Variants in GPR21 observed in about 807,000 individuals in gnomAD.
GPR21 encodes G protein-coupled receptor 21.
A neutral mutation model predicts 21.5 loss-of-function variants in GPR21; 9 were observed. That is an observed-to-expected ratio of 0.42 (90% confidence interval 0.25 to 0.73). The LOEUF is 0.73. GPR21 is among the 30% of genes least tolerant of loss of function. GPR21 has a pLI of 0.27. For synonymous variants in GPR21, 169 were observed against 159.3 expected (o/e 1.06, Z -0.46); for missense variants, 416 against 428.9 (o/e 0.97, Z 0.27).
At chr9:123,045,913 G>T in the GPR21 span, among the ~76,000 whole-genome samples, 1 of 152,152 alleles carries the variant, frequency 6.6e-6, no homozygotes, top group African/African-American at 2.4e-5. Flanking sequence ...TAGGAACTCA[G>T]TAAAAGATTT....
chr9:123,043,647 A>C, the GPR21 span, among the ~76,000 whole-genome samples: 3 of 145,472 alleles, frequency 2.1e-5, no homozygotes, highest in African/African-American at 7.8e-5. Flanking sequence ...GGTGAGGGGA[A>C]GGAGGGTGGG....
At position 123,035,398 on chromosome 9, in the gene GPR21, A is replaced by G. The variant is rs748588625; in HGVS notation, c.832A>G (p.Thr278Ala). The G allele has an allele frequency of 6.2e-7, 1 of 1,613,986 alleles. No individual in the cohort carries two copies. Among genetic ancestry groups the G allele is most frequent in the Non-Finnish European group, 8.5e-7 (1 of 1,180,008 alleles). Residue 278 changes from threonine to alanine, a missense_variant, in exon 2 of 2, where the codon ACT becomes GCT. Transcript: ENST00000616002. ...CATCTACTTCTTGTTGGAAAGCTCC[A>G]CTGGCCACAGCAACCGCTTCGCATC... is the stretch of plus-strand genomic sequence containing the variant. ...YIIYFLLESS[T>A]GHSNRFASFL...
At chr9:123,035,766 G>T (rs557261934), downstream of GPR21, 1 of 547,398 alleles carries the variant, frequency 1.8e-6, no homozygotes, top group Non-Finnish European at 3.1e-6. Context: ...CAAATTATTC[G>T]TATGGATACC....
chr9:123,041,462 A>G, the GPR21 span, among the ~76,000 whole-genome samples: 1 of 152,226 alleles, frequency 6.6e-6, no homozygotes, highest in Non-Finnish European at 1.5e-5. Context: ...TTATGATTCA[A>G]ATCCAATTCT....
At chr9:123,044,068 T>A in the GPR21 span, among the ~76,000 whole-genome samples, 1 of 150,466 alleles carries the variant, frequency 6.6e-6, no homozygotes, top group African/African-American at 2.4e-5. Context: ...GCATGGCTAG[T>A]TTTTTTTTGT....
the GPR21 span, among the ~76,000 whole-genome samples, chr9:123,045,904 A>G: frequency 6.6e-6 from 1 of 152,206 alleles, no homozygotes. Flanking sequence ...GGGGCATTGT[A>G]GGAACTCAGT....
chr9:123,041,204 C>T, the GPR21 span, among the ~76,000 whole-genome samples: 3 of 152,042 alleles, frequency 2.0e-5, no homozygotes, highest in African/African-American at 7.2e-5. Flanking sequence ...TGTTATTAAC[C>T]CCATTATACA....
chr9:123,045,889 A>G, the GPR21 span, among the ~76,000 whole-genome samples: 37,164 of 152,012 alleles, frequency 0.24, 6,513 homozygotes, highest in East Asian at 0.65. Flanking sequence ...GTAAAATTGT[A>G]CTTGGGGGCA....
At chr9:123,036,272 T>C (rs183409645), downstream of GPR21, among the ~76,000 whole-genome samples, 9 of 152,316 alleles carry the variant, frequency 5.9e-5, no homozygotes, top group East Asian at 1.2e-3. Flanking sequence ...AATCAAATTA[T>C]ACAATTTATG....
Position 123,034,260 on chromosome 9 carries a change from T to C in GPR21, c.-307T>C. ...CCTTTCCCCCTACCCTCACTTGGCC[T>C]GAAGACGTTCTCCCCAGAGTTTACC... On this transcript the variant is annotated 5_prime_UTR_variant, in exon 2 of 2. Coordinates refer to ENST00000616002, the MANE Select transcript of GPR21 (RefSeq NM_005294.3). 2.4e-6 allele frequency: 1 copy of C among 409,720 alleles called. No individual in the cohort carries two copies. Among genetic ancestry groups the C allele is most frequent in the Non-Finnish European group, 4.3e-6 (1 of 232,214 alleles). 25.4% of individuals were successfully genotyped at this position (409,720 alleles called of 1,614,324 possible).
the GPR21 span, among the ~76,000 whole-genome samples, chr9:123,047,564 A>G: frequency 6.6e-6 from 1 of 152,180 alleles, no homozygotes; most frequent in South Asian, 2.1e-4. Context: ...TTATAGCTTT[A>G]TACTTCTAAA....
At chr9:123,037,824 C>A (rs2032743886), downstream of GPR21, among the ~76,000 whole-genome samples, 1 of 152,020 alleles carries the variant, frequency 6.6e-6, no homozygotes, top group African/African-American at 2.4e-5. Context: ...TTGGAAAGTT[C>A]ATGTTTAACT....
At chr9:123,042,118 G>A in the GPR21 span, among the ~76,000 whole-genome samples, 1 of 152,196 alleles carries the variant, frequency 6.6e-6, no homozygotes, top group African/African-American at 2.4e-5. Context: ...GAAAGTCTGT[G>A]TGTTAAATAA....
chr9:123,043,779 G>A, the GPR21 span, among the ~76,000 whole-genome samples: 1 of 151,734 alleles, frequency 6.6e-6, no homozygotes, highest in South Asian at 2.1e-4. Flanking sequence ...AAAACAAACA[G>A]CTTTAAAAAA....
the GPR21 span, among the ~76,000 whole-genome samples, chr9:123,041,584 T>C: frequency 2.6e-5 from 4 of 152,100 alleles, no homozygotes; most frequent in African/African-American, 9.7e-5. Context: ...TTAACTCCAC[T>C]ATAAAGAATA....
the GPR21 span, among the ~76,000 whole-genome samples, chr9:123,044,139 G>A: frequency 2.6e-5 from 4 of 151,930 alleles, no homozygotes; most frequent in Non-Finnish European, 5.9e-5. Context: ...TTCTGACCTC[G>A]TGATCCGCCC....
chr9:123,040,143 G>T (rs1281902878), downstream of GPR21, among the ~76,000 whole-genome samples: 11 of 152,074 alleles, frequency 7.2e-5, no homozygotes, highest in African/African-American at 2.4e-5. Context: ...TGTTTCTTGT[G>T]GAAAAATTCT....
the GPR21 span, among the ~76,000 whole-genome samples, chr9:123,048,710 T>C: frequency 5.3e-5 from 8 of 152,374 alleles, no homozygotes; most frequent in African/African-American, 1.7e-4. Context: ...TAAATTACCT[T>C]CCCCCTTTGA....
chr9:123,035,145 G>T lies in GPR21; in HGVS notation c.579G>T (p.Leu193=), dbSNP rs1182256123. 6.2e-7 allele frequency: 1 copy of T among 1,613,992 alleles called. No homozygotes were observed. The highest frequency in any genetic ancestry group is 1.3e-5 in the African/African-American group (1 of 75,028). Residue 193 remains leucine (L), a synonymous_variant, in exon 2 of 2, where the codon CTG becomes CTT. Coordinates refer to ENST00000616002, the MANE Select transcript of GPR21 (RefSeq NM_005294.3). The part of the protein sequence containing the change: ...ESWHTDSYFT[L]FIVMMLYAPA... ...GGCACACCGACTCCTACTTCACCCT[G>T]TTCATCGTGATGATGTTATATGCCC...
Sources: allele counts gnomAD v4.1 joint callset (sites outside exome capture counted in the v4.1 genomes callset), GRCh38; gene constraint gnomAD v4.1.1; transcripts MANE v1.5; gene names NCBI Gene and HGNC (gene_info 2026-07-23, HGNC 2026-07-21).